Variants in GNA11 observed in about 807,000 individuals in gnomAD.
The protein encoded by GNA11 is G protein subunit alpha 11.
In GNA11, 8 loss-of-function variants were observed where a neutral mutation model predicts 38.2. The ratio of observed to expected loss-of-function variants is 0.21; its 90% CI spans 0.12 to 0.38. The LOEUF is 0.38. Ranked by LOEUF, GNA11 falls within the 10% of genes least tolerant of loss-of-function variation. GNA11 has a pLI of 1.00. For missense variants in GNA11, 268 were observed against 516.3 expected (o/e 0.52, Z 4.66); for synonymous variants, 211 against 221.4 (o/e 0.95, Z 0.42).
chr19:3,112,379 G>T (rs1913795178), intron 2 of GNA11, among the ~76,000 whole-genome samples: 1 of 152,186 alleles, frequency 6.6e-6, no homozygotes, highest in South Asian at 2.1e-4. Context: ...GGGCCTGGGA[G>T]GGCCCCGTGG....
Position 3,094,477 on chromosome 19 carries a change from A to G in GNA11, c.-175A>G, listed in dbSNP as rs1913307538. ...CGCGGCTGGCGCGGCCCGAGCGGGG[A>G]CCCGGCGGCTCGCCAGGCGGCGGCC... On this transcript the variant is annotated 5_prime_UTR_variant, in exon 1 of 7. Transcript: ENST00000078429. This position sits in a 1 kb window ranked among gnomAD's most constrained non-coding sequence, Gnocchi z 6.0. The G allele has an allele frequency of 7.0e-6, 1 of 143,298 alleles. No individual in the cohort carries two copies. The allele number at this position is 143,298 out of a possible 1,614,324, so 8.9% of individuals were successfully genotyped here.
intron 1 of GNA11, among the ~76,000 whole-genome samples, chr19:3,097,639 G>A (rs1003720645): frequency 3.9e-5 from 6 of 152,236 alleles, no homozygotes; most frequent in East Asian, 1.9e-4. Flanking sequence ...TCAGCCTGGC[G>A]AGGACATTCC....
In GNA11 at chr19:3,105,291, G is replaced by A. The variant is rs150345288; in HGVS notation, c.137-4858G>A. The stretch of plus-strand genomic sequence containing the variant: ...ATTTTGTCACCGTCTCAGTCAGCTC[G>A]GGCTGCTGTGACAATACTGCAGGCA... On this transcript the variant is annotated intron_variant, in intron 1 of 6. Coordinates refer to ENST00000078429, the MANE Select transcript of GNA11 (RefSeq NM_002067.5). 2.6e-5 allele frequency among the ~76,000 whole-genome samples: 4 copies of A among 152,096 alleles called. No individual in the cohort carries two copies. In the East Asian group the frequency reaches 7.7e-4, roughly 29 times the overall value.
chr19:3,101,468 C>T (rs1913505473), intron 1 of GNA11, among the ~76,000 whole-genome samples: 1 of 152,204 alleles, frequency 6.6e-6, no homozygotes, highest in Non-Finnish European at 1.5e-5. Context: ...TCTCCAGCCA[C>T]ACTGGTTTGC....
chr19:3,113,560 C>A, intron 3 of GNA11, 76 bp downstream of exon 3: 1 of 1,178,004 alleles, frequency 8.5e-7, no homozygotes, highest in Non-Finnish European at 1.2e-6. Context: ...GGGAAGGCCT[C>A]CGCGGCGTCT....
Position 3,117,977 on chromosome 19 carries a change from C to T in GNA11, c.606-947C>T, listed in dbSNP as rs1389364946. On this transcript the variant is annotated intron_variant, in intron 4 of 6. Transcript: ENST00000078429. ...GACGGGCTGTGGCCTGGTGTCGGCA[C>T]ACCCACTGTCCTCCCGCCTGGCCAC... The T allele has an allele frequency of 2.0e-5, 3 of 152,370 alleles. No homozygotes were observed. In the East Asian group the frequency reaches 5.8e-4, roughly 30 times the overall value. The allele number at this position is 152,370 out of a possible 1,614,324, so 9.4% of individuals were successfully genotyped here.
At position 3,110,757 on chromosome 19, in the gene GNA11, G is replaced by A. The variant is rs1048324342; in HGVS notation, c.321+424G>A. Reference sequence around the variant, plus strand: ...TTTCGGCCCTGACACTCACCCATGGGGCTGTACTTCTCACCTTCTCACACT... The same window carrying A: ...TTTCGGCCCTGACACTCACCCATGGAGCTGTACTTCTCACCTTCTCACACT... On this transcript the variant is annotated intron_variant, in intron 2 of 6. Transcript: ENST00000078429. The surrounding 1 kb of genome is among the most constrained non-coding windows in gnomAD (Gnocchi z 5.4). Among the ~76,000 whole-genome samples the A allele has an allele frequency of 6.6e-6, 1 of 152,070 alleles. No homozygotes were observed. The highest frequency in any genetic ancestry group is 2.4e-5 in the African/African-American group (1 of 41,376).
rs537494462 is a variant in GNA11, at chr19:3,108,947, C to T, written c.137-1202C>T. On this transcript the variant is annotated intron_variant, in intron 1 of 6. Coordinates refer to ENST00000078429, the MANE Select transcript of GNA11 (RefSeq NM_002067.5). This position sits in a 1 kb window ranked among gnomAD's most constrained non-coding sequence, Gnocchi z 4.5. Reference sequence around the variant, plus strand: ...TGAAGCTGCTTGAGGGTCCTCACAGCGTGGCGGCTGCCTACCCCAGAGCCC... The same window carrying T: ...TGAAGCTGCTTGAGGGTCCTCACAGTGTGGCGGCTGCCTACCCCAGAGCCC... Among the ~76,000 whole-genome samples the T allele has an allele frequency of 3.9e-5, 6 of 152,188 alleles. No homozygotes were observed. The highest frequency in any genetic ancestry group is 8.8e-5 in the Non-Finnish European group (6 of 68,030).
rs746693359 is a variant in GNA11 at position 3,113,385 on chromosome 19, A to G, written c.377A>G (p.His126Arg). The G allele has an allele frequency of 2.5e-6, 4 of 1,613,470 alleles. No homozygotes were observed. Among genetic ancestry groups the G allele is most frequent in the South Asian group, 1.1e-5 (1 of 91,082 alleles). ...VDVEKVTTFE[H>R]QYVSAIKTLW... ...GTGGAGAAGGTGACCACCTTCGAGC[A>G]TCAGTACGTCAGTGCCATCAAGACC... Residue 126 changes from histidine to arginine, a missense_variant, in exon 3 of 7, where the codon CAT (histidine) becomes CGT (arginine). His to Arg is a conservative substitution (Grantham distance 29, BLOSUM62 0). Around this residue, in one of 3 missense-constraint regions of GNA11, gnomAD observed 151 missense variants for 254.0 expected, o/e 0.59. Transcript: ENST00000078429.
chr19:3,118,694 G>C (rs1057298766), intron 4 of GNA11: 4 of 510,598 alleles, frequency 7.8e-6, no homozygotes, highest in Admixed American at 3.4e-5. Flanking sequence ...CCTGGGCCCA[G>C]TGGTCTCAGG....
Position 3,121,643 on chromosome 19 carries a change from C to T in GNA11, c.*464C>T. On this transcript the variant is annotated 3_prime_UTR_variant, in exon 7 of 7. Transcript: ENST00000078429. ...GTCCTTCCAACCCCACGTGCTTTTT[C>T]TTTCTCCTGCCCGCTTCTTTTCTTC... The T allele has an allele frequency of 4.3e-6, 1 of 233,008 alleles. No individual in the cohort carries two copies. The highest frequency in any genetic ancestry group is 8.5e-6 in the Non-Finnish European group (1 of 118,030). The allele number at this position is 233,008 out of a possible 1,614,324, so 14.4% of individuals were successfully genotyped here. A position where few individuals can be genotyped will look rare whatever the true frequency, so the allele number is the denominator to read the frequency against.
rs967640153 is a variant in GNA11, at chr19:3,120,846, C to T, written c.890-143C>T. 3 of 607,112 alleles carry T rather than the reference C, an allele frequency of 4.9e-6. No individual in the cohort carries two copies. Among genetic ancestry groups the T allele is most frequent in the Non-Finnish European group, 8.7e-6 (3 of 344,112 alleles). 37.6% of individuals were successfully genotyped at this position (607,112 alleles called of 1,614,324 possible). A position where few individuals can be genotyped will look rare whatever the true frequency, so the allele number is the denominator to read the frequency against. On this transcript the variant is annotated intron_variant, in intron 6 of 6. Coordinates refer to ENST00000078429, the MANE Select transcript of GNA11 (RefSeq NM_002067.5). The surrounding 1 kb of genome is among the most constrained non-coding windows in gnomAD (Gnocchi z 5.9). ...CCTGGGGAGGGAGGGGAGCTGCGGC[C>T]CGTCAGGCATGCAGTGGGCTGGGGG... is the stretch of plus-strand genomic sequence containing the variant.
rs1914105768 is a variant in GNA11 at position 3,122,469 on chromosome 19, C to T, written c.*1290C>T. ...GCCCGCCAGGCCACGCCGCACTGAGCCACAGCCCCGGGGGCCGCCTCCCGG... is the reference window on the plus strand; with the variant it reads ...GCCCGCCAGGCCACGCCGCACTGAGTCACAGCCCCGGGGGCCGCCTCCCGG... On this transcript the variant is annotated 3_prime_UTR_variant, in exon 7 of 7. Transcript: ENST00000078429. The surrounding 1 kb of genome is among the most constrained non-coding windows in gnomAD (Gnocchi z 7.7). 1 of 231,542 alleles carries T rather than the reference C, an allele frequency of 4.3e-6. No homozygotes were observed. Among genetic ancestry groups the T allele is most frequent in the South Asian group, 1.8e-4 (1 of 5,520 alleles). 14.3% of individuals were successfully genotyped at this position (231,542 alleles called of 1,614,324 possible). A position where few individuals can be genotyped will look rare whatever the true frequency, so the allele number is the denominator to read the frequency against.
In GNA11 at chr19:3,121,971, G is replaced by A. The variant is rs369007259; in HGVS notation, c.*792G>A. ...GGAAGGGTCCCCGGGCTGGAGCCAC[G>A]GGGGCTTCTCTGGGCTGTGCCTCCG... On this transcript the variant is annotated 3_prime_UTR_variant, in exon 7 of 7. Coordinates refer to ENST00000078429, the MANE Select transcript of GNA11 (RefSeq NM_002067.5). 1.7e-3 allele frequency: 388 copies of A among 233,224 alleles called. 5 individuals are homozygous for A. The East Asian group carries it at 0.021, about 13-fold the overall frequency. 14.4% of individuals were successfully genotyped at this position (233,224 alleles called of 1,614,324 possible). A position where few individuals can be genotyped will look rare whatever the true frequency, so the allele number is the denominator to read the frequency against.
chr19:3,101,952 C>T (rs895489377), intron 1 of GNA11, among the ~76,000 whole-genome samples: 2 of 152,068 alleles, frequency 1.3e-5, no homozygotes, highest in African/African-American at 4.8e-5. Context: ...AAAAATTAGC[C>T]AGACTTGGTG....
chr19:3,094,836 G>A lies in GNA11; in HGVS notation c.136+49G>A. On this transcript the variant is annotated intron_variant, in intron 1 of 6. Transcript: ENST00000078429. This position sits in a 1 kb window ranked among gnomAD's most constrained non-coding sequence, Gnocchi z 6.0. ...CGGCTGCGGGCCCTGCCCTGCCTGT[G>A]CCTGCCCTGCCTGTCCGGGTCGGGC... 1 of 1,371,470 alleles carries A rather than the reference G, an allele frequency of 7.3e-7. No individual in the cohort carries two copies. Among genetic ancestry groups the A allele is most frequent in the Non-Finnish European group, 9.6e-7 (1 of 1,037,196 alleles). 85.0% of individuals were successfully genotyped at this position (1,371,470 alleles called of 1,614,324 possible).
At chr19:3,116,627 C>T (rs1421256592) in intron 4 of GNA11, among the ~76,000 whole-genome samples, 2 of 152,232 alleles carry the variant, frequency 1.3e-5, no homozygotes, top group African/African-American at 2.4e-5. Flanking sequence ...CAGTGACATC[C>T]GCACAGACCC....
At position 3,097,392 on chromosome 19, in the gene GNA11, T is replaced by C. The variant is rs1355234295; in HGVS notation, c.136+2605T>C. On this transcript the variant is annotated intron_variant, in intron 1 of 6. Transcript: ENST00000078429. The stretch of plus-strand genomic sequence containing the variant: ...ATGGCTCCCGTACAGCGTTGTGGAG[T>C]GGATGTCGGGGAGGGAGGCAGGGGC... Among the ~76,000 whole-genome samples, 5 of 151,484 alleles carry C rather than the reference T, an allele frequency of 3.3e-5. No individual in the cohort carries two copies. The East Asian group carries it at 9.8e-4, about 30-fold the overall frequency.
intron 1 of GNA11, among the ~76,000 whole-genome samples, chr19:3,106,482 G>T (rs959209277): frequency 6.6e-6 from 1 of 152,254 alleles, no homozygotes; most frequent in Non-Finnish European, 1.5e-5. Flanking sequence ...ACAGTGGCCA[G>T]CACCTCAGGG....
Sources: gnomAD v4.1 joint callset for allele counts (sites outside exome capture counted in the v4.1 genomes callset) on GRCh38, gnomAD v4.1.1 for gene constraint, gnomAD v4.1.1 regional missense constraint, Gnocchi (gnomAD v3.1) non-coding constraint, MANE v1.5 for transcripts, NCBI Gene and HGNC (gene_info 2026-07-23, HGNC 2026-07-21) for gene names.